Variants in ST7 observed in about 807,000 individuals in gnomAD.
The protein encoded by ST7 is suppressor of tumorigenicity 7 protein.
In ST7, 28 loss-of-function variants were observed where a neutral mutation model predicts 78.7. That is an observed-to-expected ratio of 0.36 (90% confidence interval 0.26 to 0.49). The LOEUF is 0.49. ST7 is among the 20% of genes least tolerant of loss of function. ST7 has a pLI of 0.99. For synonymous variants in ST7, 247 were observed against 249.6 expected (o/e 0.99, Z 0.10); for missense variants, 418 against 696.0 (o/e 0.60, Z 4.49).
intron 9 of ST7, among the ~76,000 whole-genome samples, chr7:117,155,993 A>C (rs867829232): frequency 3.9e-5 from 6 of 152,114 alleles, no homozygotes; most frequent in African/African-American, 1.4e-4. Context: ...GTTTCTGTTT[A>C]TGTGTCACCT....
At chr7:117,058,793 A>G (rs913960728) in intron 1 of ST7, among the ~76,000 whole-genome samples, 1 of 152,202 alleles carries the variant, frequency 6.6e-6, no homozygotes, top group Admixed American at 6.5e-5. Flanking sequence ...GAAGCAACCT[A>G]AGTATCCATT....
At chr7:117,186,583 G>GA in intron 10 of ST7, among the ~76,000 whole-genome samples, 1 of 152,268 alleles carries the variant, frequency 6.6e-6, no homozygotes, top group Middle Eastern at 3.4e-3. Context: ...GTTGACTGTG[G>GA]ACAACTGAAA....
At chr7:116,995,244 A>C (rs1387713164) in intron 1 of ST7, among the ~76,000 whole-genome samples, 1 of 152,212 alleles carries the variant, frequency 6.6e-6, no homozygotes, top group Non-Finnish European at 1.5e-5. Flanking sequence ...CTTTGCTCTT[A>C]CTCATAAGAG....
At chr7:116,969,716 C>T (rs1459116116) in intron 1 of ST7, among the ~76,000 whole-genome samples, 1 of 152,122 alleles carries the variant, frequency 6.6e-6, no homozygotes, top group Non-Finnish European at 1.5e-5. Context: ...AGGAGTCAGC[C>T]ATCATCACTT....
At chr7:117,014,331 T>C (rs1199663897) in intron 1 of ST7, among the ~76,000 whole-genome samples, 1 of 152,158 alleles carries the variant, frequency 6.6e-6, no homozygotes, top group Non-Finnish European at 1.5e-5. Flanking sequence ...TGTGGCAATG[T>C]GACATTAAAG....
intron 1 of ST7, among the ~76,000 whole-genome samples, chr7:117,039,358 G>C (rs1797084933): frequency 6.6e-6 from 1 of 152,144 alleles, no homozygotes; most frequent in Admixed American, 6.5e-5. Context: ...AAGATTGCTT[G>C]AGGCCAGGAG....
At position 117,168,278 on chromosome 7, in the gene ST7, G is replaced by A. The variant is rs148673115; in HGVS notation, c.964-2584G>A. On this transcript the variant is annotated intron_variant, in intron 9 of 15. Transcript: ENST00000323984. ...GGTGAGACCTCATGTTTGCGTATGCGGTCTCACTGAGTTTTAGTAAGACTC... is the reference window on the plus strand; with the variant it reads ...GGTGAGACCTCATGTTTGCGTATGCAGTCTCACTGAGTTTTAGTAAGACTC... Among the ~76,000 whole-genome samples the A allele has an allele frequency of 2.0e-3, 300 of 152,188 alleles. 3 individuals are homozygous for A. Among genetic ancestry groups the A allele is most frequent in the Admixed American group, 0.011 (169 of 15,282 alleles).
chr7:117,001,451 G>C (rs1274269041), intron 1 of ST7, among the ~76,000 whole-genome samples: 3 of 152,170 alleles, frequency 2.0e-5, no homozygotes, highest in Admixed American at 6.5e-5. Flanking sequence ...CCTTTCACTT[G>C]ATAAATGAGC....
chr7:117,070,916 A>AT (rs775912552), intron 1 of ST7, among the ~76,000 whole-genome samples: 2 of 151,740 alleles, frequency 1.3e-5, no homozygotes, highest in African/African-American at 2.4e-5. Flanking sequence ...TGTTATGTGC[A>AT]TTTTTTGTGC....
intron 1 of ST7, among the ~76,000 whole-genome samples, chr7:116,974,292 CTTT>C (rs888429847): frequency 1.4e-5 from 2 of 143,972 alleles, no homozygotes; most frequent in African/African-American, 2.5e-5. Context: ...CTTTTCTTTT[CTTT>C]TTTTTTTTTT....
At chr7:117,172,328 C>T (rs1808058488) in intron 10 of ST7, among the ~76,000 whole-genome samples, 1 of 152,218 alleles carries the variant, frequency 6.6e-6, no homozygotes, top group Non-Finnish European at 1.5e-5. Context: ...TGAGGGAACT[C>T]AGGCATTATG....
At chr7:116,989,249 T>C (rs972597099) in intron 1 of ST7, among the ~76,000 whole-genome samples, 8 of 152,236 alleles carry the variant, frequency 5.3e-5, no homozygotes, top group South Asian at 2.1e-4. Context: ...TTCCCTTGCA[T>C]TGGCCACATT....
At chr7:116,982,069 C>T (rs955682758) in intron 1 of ST7, among the ~76,000 whole-genome samples, 3 of 152,096 alleles carry the variant, frequency 2.0e-5, no homozygotes, top group Non-Finnish European at 2.9e-5. Flanking sequence ...GTGATAGGAA[C>T]CTTTCAGTTC....
rs976504236 is a variant in ST7 at position 117,050,605 on chromosome 7, A to G, written c.152-49157A>G. On this transcript the variant is annotated intron_variant, in intron 1 of 15. Transcript: ENST00000323984. ...ATATTTAATAGACTACCGTCTCTAT[A>G]TATTTTACACATTCATGACACATAC... is the stretch of plus-strand genomic sequence containing the variant. 4.6e-5 allele frequency among the ~76,000 whole-genome samples: 7 copies of G among 152,184 alleles called. No homozygotes were observed. In the East Asian group the frequency reaches 1.3e-3, roughly 29 times the overall value.
At chr7:117,169,152 T>C (rs1304065876) in intron 9 of ST7, among the ~76,000 whole-genome samples, 1 of 150,450 alleles carries the variant, frequency 6.6e-6, no homozygotes, top group Non-Finnish European at 1.5e-5. Flanking sequence ...TTTTTTTTTT[T>C]TGAGACGGAG....
intron 1 of ST7, chr7:116,959,660 A>C (rs1294836509): frequency 6.5e-6 from 1 of 153,638 alleles, no homozygotes; most frequent in Non-Finnish European, 1.4e-5. Context: ...GGCCATATGC[A>C]TCTAAAGCAT....
chr7:117,174,986 G>A (rs377245677), intron 10 of ST7, among the ~76,000 whole-genome samples: 1 of 152,172 alleles, frequency 6.6e-6, no homozygotes, highest in African/African-American at 2.4e-5. Flanking sequence ...GACTTAGGTG[G>A]GCTGAAGCCA....
intron 12 of ST7, 145 bp downstream of exon 12, chr7:117,191,081 T>TA: frequency 1.5e-6 from 1 of 654,358 alleles, no homozygotes; most frequent in Non-Finnish European, 2.6e-6. Flanking sequence ...GTATGGGCAT[T>TA]AGCCTCATTT....
intron 9 of ST7, among the ~76,000 whole-genome samples, chr7:117,143,319 A>T (rs897601064): frequency 6.6e-6 from 1 of 152,086 alleles, no homozygotes; most frequent in Non-Finnish European, 1.5e-5. Context: ...CTCTTCCTGT[A>T]TCCTGGCCTC....
Sources: allele counts gnomAD v4.1 joint callset (sites outside exome capture counted in the v4.1 genomes callset), GRCh38; gene constraint gnomAD v4.1.1; transcripts MANE v1.5; gene names NCBI Gene and HGNC (gene_info 2026-07-23, HGNC 2026-07-21).